HDAC3: variants seen among roughly 807,000 people sequenced by gnomAD.
HDAC3 encodes the protein SMAP45.
HDAC3 carries 21 observed loss-of-function variants against 62.3 expected under a neutral mutation model. That is an observed-to-expected ratio of 0.34 (90% CI 0.24 to 0.49). The LOEUF is 0.49. HDAC3 is among the 20% of genes least tolerant of loss of function. The pLI is 0.99. For missense variants in HDAC3, 270 were observed against 556.9 expected, an observed-to-expected ratio of 0.48 and a Z score of 5.19; for synonymous variants, 198 against 206.5, an observed-to-expected ratio of 0.96 and a Z score of 0.35.
At chr5:141,633,943 T>G (rs559336139) in intron 3 of HDAC3, among the ~76,000 whole-genome samples, 1 of 152,052 alleles carries the variant, frequency 6.6e-6, no homozygotes, top group East Asian at 1.9e-4. Context: ...AAATTTTCCC[T>G]AATAAAAAGT....
intron 3 of HDAC3, among the ~76,000 whole-genome samples, chr5:141,632,455 G>C (rs2099905361): frequency 2.6e-5 from 4 of 152,148 alleles, no homozygotes; most frequent in Admixed American, 2.6e-4. Flanking sequence ...CGGAAATACA[G>C]ATAAGCACAA....
rs2099904332 is a variant in HDAC3, at chr5:141,625,642, C to T, written c.1059+43G>A. 1 of 1,576,774 alleles carries T rather than the reference C, an allele frequency of 6.3e-7. No homozygotes were observed. Among genetic ancestry groups the T allele is most frequent in the South Asian group, 1.1e-5 (1 of 90,302 alleles). ...CATCTTTGACCTCTCCTGGGCTCCA[C>T]CTTTCAGGAGAAGTTTGTGCTCAGC... On this transcript the variant is annotated intron_variant, in intron 13 of 14. Coordinates refer to ENST00000305264, the MANE Select transcript of HDAC3 (RefSeq NM_003883.4). This position sits in a 1 kb window ranked among gnomAD's most constrained non-coding sequence, Gnocchi z 4.0.
At position 141,629,024 on chromosome 5, in the gene HDAC3, G is replaced by T; in HGVS notation, c.610+149C>A. 1 of 717,408 alleles carries T rather than the reference G, an allele frequency of 1.4e-6. No homozygotes were observed. Among genetic ancestry groups the T allele is most frequent in the Non-Finnish European group, 2.3e-6 (1 of 429,550 alleles). 44.4% of individuals were successfully genotyped at this position (717,408 alleles called of 1,614,324 possible). On this transcript the variant is annotated intron_variant, in intron 7 of 14. Coordinates refer to ENST00000305264, the MANE Select transcript of HDAC3 (RefSeq NM_003883.4). This position sits in a 1 kb window ranked among gnomAD's most constrained non-coding sequence, Gnocchi z 5.3. Reference sequence around the variant, plus strand: ...AATGAGGCTGATGTAACAGAGGAATGGGGAAGGAGGTGATTATGATAACTG... The same window carrying T: ...AATGAGGCTGATGTAACAGAGGAATTGGGAAGGAGGTGATTATGATAACTG...
At position 141,626,380 on chromosome 5, in the gene HDAC3, A is replaced by G; in HGVS notation, c.831-97T>C. ...CTGAAAGGAGCACAAGAAAACTATA[A>G]ATGTTCTAAATCTTTATCTTGATAG... On this transcript the variant is annotated intron_variant, in intron 10 of 14. Transcript: ENST00000305264. The surrounding 1 kb of genome is among the most constrained non-coding windows in gnomAD (Gnocchi z 4.6). The G allele has an allele frequency of 2.4e-6, 2 of 832,480 alleles. No homozygotes were observed. Among genetic ancestry groups the G allele is most frequent in the Non-Finnish European group, 4.0e-6 (2 of 500,056 alleles). The allele number at this position is 832,480 out of a possible 1,614,324, so 51.6% of individuals were successfully genotyped here.
At chr5:141,630,849 C>CT (rs1174933606) in intron 3 of HDAC3, among the ~76,000 whole-genome samples, 2,616 of 135,652 alleles carry the variant, frequency 0.019, 41 homozygotes, top group South Asian at 0.033. Flanking sequence ...ACCTTGATAC[C>CT]TTTTTTTTTT....
intron 10 of HDAC3, among the ~76,000 whole-genome samples, 169 bp downstream of exon 10, chr5:141,627,724 G>A (rs1398126251): frequency 1.3e-5 from 2 of 152,160 alleles, no homozygotes; most frequent in Non-Finnish European, 2.9e-5. Flanking sequence ...GTGAATGAAT[G>A]ACCATCTAGG....
intron 14 of HDAC3, among the ~76,000 whole-genome samples, chr5:141,623,716 G>A (rs1043867342): frequency 7.9e-5 from 12 of 152,024 alleles, no homozygotes; most frequent in Admixed American, 1.3e-4. Flanking sequence ...GGAGAGATTC[G>A]GAGGCCTGAA....
chr5:141,630,582 A>G (rs1339259851), intron 3 of HDAC3, among the ~76,000 whole-genome samples: 1 of 152,278 alleles, frequency 6.6e-6, no homozygotes, highest in Non-Finnish European at 1.5e-5. Flanking sequence ...AAAAGCCTGT[A>G]GCACAGTATA....
Position 141,628,032 on chromosome 5 carries a change from C to A in HDAC3, c.766-75G>T. On this transcript the variant is annotated intron_variant, in intron 9 of 14. Transcript: ENST00000305264. The surrounding 1 kb of genome is among the most constrained non-coding windows in gnomAD (Gnocchi z 4.7). ...ACATCACAGATACCCCTTCCACCAC[C>A]AACCTAAAGAACCTCCTCTTCCCTT... 1 of 1,599,468 alleles carries A rather than the reference C, an allele frequency of 6.3e-7. No individual in the cohort carries two copies. Among genetic ancestry groups the A allele is most frequent in the East Asian group, 2.2e-5 (1 of 44,798 alleles).
rs1364123750 is a variant in HDAC3 at position 141,625,500 on chromosome 5, A to G, written c.1060-135T>C. On this transcript the variant is annotated intron_variant, in intron 13 of 14. Coordinates refer to ENST00000305264, the MANE Select transcript of HDAC3 (RefSeq NM_003883.4). The surrounding 1 kb of genome is among the most constrained non-coding windows in gnomAD (Gnocchi z 4.0). Reference sequence around the variant, plus strand: ...CTCTAGTTCAGGTCCCCCAACTGATAGCTCTCCCTCCCCACCAACCCCAAC... The same window carrying G: ...CTCTAGTTCAGGTCCCCCAACTGATGGCTCTCCCTCCCCACCAACCCCAAC... 8 of 1,139,572 alleles carry G rather than the reference A, an allele frequency of 7.0e-6. No homozygotes were observed. The highest frequency in any genetic ancestry group is 1.0e-5 in the Non-Finnish European group (8 of 769,754). 70.6% of individuals were successfully genotyped at this position (1,139,572 alleles called of 1,614,324 possible). A position where few individuals can be genotyped will look rare whatever the true frequency, so the allele number is the denominator to read the frequency against.
In HDAC3 at chr5:141,625,287, C is replaced by T. The variant is rs1396633395; in HGVS notation, c.1138G>A (p.Val380Met). ...TCATAGGTCAGGAGGTCTGCAGGCA[C>T]GTCATGAATCTGGACACTAGGTGCA... ...NHAPSVQIHD[V>M]PADLLTYDRT... Residue 380 changes from valine to methionine, a missense_variant, in exon 14 of 15, where the codon GTG becomes ATG. By Grantham distance (21) the Val-to-Met change is conservative. Around this residue, in one of 5 missense-constraint regions of HDAC3, gnomAD observed 44 missense variants for 64.3 expected, o/e 0.68. Coordinates refer to ENST00000305264, the MANE Select transcript of HDAC3 (RefSeq NM_003883.4). This position sits in a 1 kb window ranked among gnomAD's most constrained non-coding sequence, Gnocchi z 4.0. 3.1e-6 allele frequency: 5 copies of T among 1,614,028 alleles called. No homozygotes were observed. The highest frequency in any genetic ancestry group is 1.3e-5 in the African/African-American group (1 of 74,914).
In HDAC3 at chr5:141,624,917, T is replaced by C. The variant is rs2099904250; in HGVS notation, c.1217+291A>G. 4.4e-5 allele frequency: 14 copies of C among 318,338 alleles called. No homozygotes were observed. The South Asian group carries it at 6.8e-4, about 15-fold the overall frequency. 19.7% of individuals were successfully genotyped at this position (318,338 alleles called of 1,614,324 possible). On this transcript the variant is annotated intron_variant, in intron 14 of 14. Transcript: ENST00000305264. ...TACAGAATAGTATATTTGCAATCTA[T>C]AGAAAAAGGTCTATCCAAAACAATA...
intron 3 of HDAC3, among the ~76,000 whole-genome samples, chr5:141,631,109 C>T (rs2099905157): frequency 6.6e-6 from 1 of 151,916 alleles, no homozygotes; most frequent in Non-Finnish European, 1.5e-5. Context: ...CTTAGGCAAT[C>T]CCTAGTTTTA....
In HDAC3 at chr5:141,623,953, G is replaced by A. The variant is rs76463900; in HGVS notation, c.1217+1255C>T. Among the ~76,000 whole-genome samples, 1,205 of 150,736 alleles carry A rather than the reference G, an allele frequency of 8.0e-3. 35 individuals carry two copies. The East Asian group carries it at 0.12, about 15-fold the overall frequency. ...CCCTTTCATTTTTCAGCAAAGTTTTGGGATTAAAAAAAAATTCCATCCTAT... is the reference window on the plus strand; with the variant it reads ...CCCTTTCATTTTTCAGCAAAGTTTTAGGATTAAAAAAAAATTCCATCCTAT... On this transcript the variant is annotated intron_variant, in intron 14 of 14. Transcript: ENST00000305264.
At position 141,625,901 on chromosome 5, in the gene HDAC3, G is replaced by A; in HGVS notation, c.979+112C>T. ...TCCCTGCTCTGAGCCCAGGGGTTTA[G>A]TCTGCAGAGCTCTGAGAGTGTAAAA... On this transcript the variant is annotated intron_variant, in intron 12 of 14. Coordinates refer to ENST00000305264, the MANE Select transcript of HDAC3 (RefSeq NM_003883.4). This position sits in a 1 kb window ranked among gnomAD's most constrained non-coding sequence, Gnocchi z 4.0. 1 of 1,289,410 alleles carries A rather than the reference G, an allele frequency of 7.8e-7. No individual in the cohort carries two copies. The highest frequency in any genetic ancestry group is 2.3e-5 in the East Asian group (1 of 43,312). The allele number at this position is 1,289,410 out of a possible 1,614,324, so 79.9% of individuals were successfully genotyped here. A position where few individuals can be genotyped will look rare whatever the true frequency, so the allele number is the denominator to read the frequency against.
chr5:141,632,731 G>A (rs1275183349), intron 3 of HDAC3, among the ~76,000 whole-genome samples: 1 of 152,188 alleles, frequency 6.6e-6, no homozygotes, highest in East Asian at 1.9e-4. Context: ...GGGCTGGTGT[G>A]GTCAAGAAAG....
Position 141,629,351 on chromosome 5 carries a change from C to T in HDAC3, c.477-45G>A, listed in dbSNP as rs190744151. On this transcript the variant is annotated intron_variant, in intron 6 of 14. Coordinates refer to ENST00000305264, the MANE Select transcript of HDAC3 (RefSeq NM_003883.4). This position sits in a 1 kb window ranked among gnomAD's most constrained non-coding sequence, Gnocchi z 5.3. Reference sequence around the variant, plus strand: ...AGGGTCTGAGCTAGAAGTGAACCCCCCAACCCACTCCTCTCAAACACCGGG... The same window carrying T: ...AGGGTCTGAGCTAGAAGTGAACCCCTCAACCCACTCCTCTCAAACACCGGG... The T allele has an allele frequency of 2.5e-4, 404 of 1,612,002 alleles. No individual in the cohort carries two copies. Among genetic ancestry groups the T allele is most frequent in the Admixed American group, 8.8e-4 (53 of 59,930 alleles).
chr5:141,628,614 C>G lies in HDAC3; in HGVS notation c.636G>C (p.Glu212Asp). The G allele has an allele frequency of 6.2e-7, 1 of 1,614,148 alleles. No individual in the cohort carries two copies. Among genetic ancestry groups the G allele is most frequent in the Non-Finnish European group, 8.5e-7 (1 of 1,180,036 alleles). Residue 212 changes from glutamate (E) to aspartate (D), a missense_variant, in exon 8 of 15, where the codon GAG becomes GAC. Glu to Asp is a conservative substitution (Grantham distance 45). Around this residue, in one of 5 missense-constraint regions of HDAC3, gnomAD observed 156 missense variants for 383.9 expected, o/e 0.41. Transcript: ENST00000305264. This position sits in a 1 kb window ranked among gnomAD's most constrained non-coding sequence, Gnocchi z 4.7. ...CGTTCAGACAGTAGTAGCGGCCACTCTCTGCCCCGACTTCATACATGTCAC... is the reference window on the plus strand; with the variant it reads ...CGTTCAGACAGTAGTAGCGGCCACTGTCTGCCCCGACTTCATACATGTCAC... ...GTGDMYEVGA[E>D]SGRYYCLNVP...
chr5:141,634,978 C>G, intron 2 of HDAC3, 25 bp from the exon 3 acceptor site: 1 of 1,611,640 alleles, frequency 6.2e-7, no homozygotes, highest in Non-Finnish European at 8.5e-7. Flanking sequence ...ACAAGATGAA[C>G]CCAGGCAGGG....
Sources: gnomAD v4.1 joint callset for allele counts (sites outside exome capture counted in the v4.1 genomes callset) on GRCh38, gnomAD v4.1.1 for gene constraint, gnomAD v4.1.1 regional missense constraint, Gnocchi (gnomAD v3.1) non-coding constraint, MANE v1.5 for transcripts, NCBI Gene and HGNC (gene_info 2026-07-23, HGNC 2026-07-21) for gene names.